Variants in GLRA3 observed in about 807,000 individuals in gnomAD.
The protein encoded by GLRA3 is glycine receptor subunit alpha-3.
In GLRA3, 44 loss-of-function variants were observed where a neutral mutation model predicts 60.4. The observed-to-expected ratio is 0.73, with a 90% confidence interval of 0.57 to 0.94. GLRA3 has a LOEUF of 0.94. GLRA3 is among the 40% of genes least tolerant of loss of function. The pLI, the probability that GLRA3 is intolerant of heterozygous loss-of-function variation, is 0.00. For synonymous variants in GLRA3, 223 were observed against 192.9 expected, an observed-to-expected ratio of 1.16 and a Z score of -1.29; for missense variants, 508 against 564.6, an observed-to-expected ratio of 0.90 and a Z score of 1.02.
intron 2 of GLRA3, among the ~76,000 whole-genome samples, chr4:174,772,141 T>C (rs915221946): frequency 2.6e-5 from 4 of 152,120 alleles, no homozygotes; most frequent in Non-Finnish European, 5.9e-5. Flanking sequence ...ATGGATGAAA[T>C]ACAGAAAATA....
intron 5 of GLRA3, among the ~76,000 whole-genome samples, chr4:174,707,813 C>T (rs550248075): frequency 1.3e-5 from 2 of 152,174 alleles, no homozygotes; most frequent in South Asian, 4.1e-4. Context: ...GTTGTGTGAC[C>T]TTGGGAAAGT....
chr4:174,825,960 T>A (rs1312767264), intron 1 of GLRA3, among the ~76,000 whole-genome samples: 1 of 152,152 alleles, frequency 6.6e-6, no homozygotes, highest in Non-Finnish European at 1.5e-5. Flanking sequence ...GAAACTCTTA[T>A]ACATTACTGA....
At chr4:174,711,458 T>A (rs941502111) in intron 5 of GLRA3, among the ~76,000 whole-genome samples, 5 of 149,812 alleles carry the variant, frequency 3.3e-5, no homozygotes, top group Admixed American at 6.6e-5. Flanking sequence ...TTTTTTTTTT[T>A]TAGAGAGAGT....
intron 3 of GLRA3, among the ~76,000 whole-genome samples, chr4:174,740,281 C>T (rs1416760433): frequency 6.6e-6 from 1 of 152,140 alleles, no homozygotes; most frequent in Non-Finnish European, 1.5e-5. Flanking sequence ...TAAGAATCCT[C>T]AAAGCTTTTA....
intron 5 of GLRA3, 102 bp from the exon 6 acceptor site, chr4:174,683,041 T>C: frequency 1.2e-6 from 1 of 841,774 alleles, no homozygotes; most frequent in Non-Finnish European, 1.9e-6. Context: ...GACCAAACAG[T>C]GTCATCTTAT....
intron 5 of GLRA3, among the ~76,000 whole-genome samples, chr4:174,710,754 T>G (rs1735689466): frequency 6.6e-6 from 1 of 152,148 alleles, no homozygotes; most frequent in Non-Finnish European, 1.5e-5. Flanking sequence ...TTCTATTTCT[T>G]CATTCTGTAT....
At chr4:174,662,704 T>G (rs1733498396) in intron 7 of GLRA3, among the ~76,000 whole-genome samples, 1 of 152,118 alleles carries the variant, frequency 6.6e-6, no homozygotes, top group Non-Finnish European at 1.5e-5. Context: ...TTCCTATCTT[T>G]CCCAGCAGGT....
At chr4:174,727,207 A>T (rs1736362821) in intron 4 of GLRA3, among the ~76,000 whole-genome samples, 1 of 152,246 alleles carries the variant, frequency 6.6e-6, no homozygotes, top group Non-Finnish European at 1.5e-5. Context: ...GACATGGGAT[A>T]AAGCATTATT....
chr4:174,669,235 G>A (rs1330328499), intron 7 of GLRA3, among the ~76,000 whole-genome samples: 1 of 151,952 alleles, frequency 6.6e-6, no homozygotes, highest in East Asian at 1.9e-4. Context: ...AATCTCAAAA[G>A]CATTTCAAAC....
intron 1 of GLRA3, among the ~76,000 whole-genome samples, chr4:174,826,605 C>T (rs1396211573): frequency 3.9e-5 from 6 of 152,140 alleles, no homozygotes; most frequent in Admixed American, 3.9e-4. Context: ...AAAAAATCTT[C>T]AAAGCCTATG....
At chr4:174,785,198 CA>C (rs1465072629) in intron 2 of GLRA3, among the ~76,000 whole-genome samples, 2 of 151,934 alleles carry the variant, frequency 1.3e-5, no homozygotes, top group African/African-American at 4.8e-5. Flanking sequence ...ACAATAAAAA[CA>C]AACACCATAA....
intron 2 of GLRA3, among the ~76,000 whole-genome samples, chr4:174,781,239 A>G (rs1738856891): frequency 6.6e-6 from 1 of 151,646 alleles, no homozygotes; most frequent in Non-Finnish European, 1.5e-5. Flanking sequence ...AAATGAAGGC[A>G]GAAATAAAGA....
At chr4:174,738,970 A>T (rs1736903297) in intron 3 of GLRA3, among the ~76,000 whole-genome samples, 1 of 152,230 alleles carries the variant, frequency 6.6e-6, no homozygotes, top group Admixed American at 6.5e-5. Flanking sequence ...ATACCAGCTG[A>T]ATTCCACTGA....
intron 2 of GLRA3, among the ~76,000 whole-genome samples, chr4:174,776,409 G>T (rs1028529693): frequency 1.4e-4 from 21 of 152,000 alleles, no homozygotes; most frequent in Admixed American, 1.4e-3. Flanking sequence ...TCACACATAA[G>T]AAAACTAGTG....
intron 3 of GLRA3, among the ~76,000 whole-genome samples, chr4:174,743,643 A>G (rs1737113536): frequency 6.6e-6 from 1 of 152,192 alleles, no homozygotes; most frequent in Non-Finnish European, 1.5e-5. Flanking sequence ...TGATTAAAGA[A>G]GTACCTGCCA....
chr4:174,710,035 A>T (rs1315382621), intron 5 of GLRA3, among the ~76,000 whole-genome samples: 1 of 151,646 alleles, frequency 6.6e-6, no homozygotes, highest in Non-Finnish European at 1.5e-5. Context: ...TATTTTCCAA[A>T]TAGCCTCTAG....
In GLRA3 at chr4:174,778,950, C is replaced by G. The variant is rs931604388; in HGVS notation, c.199+9866G>C. On this transcript the variant is annotated intron_variant, in intron 2 of 9. Transcript: ENST00000274093. ...GGTAAACAAAGCAGCCGGGAAGCTC[C>G]AACTGGGTGGAGCCCACCACAGCTC... Among the ~76,000 whole-genome samples, 79 of 151,522 alleles carry G rather than the reference C, an allele frequency of 5.2e-4. 1 individual carries two copies. The highest frequency in any genetic ancestry group is 1.9e-3 in the East Asian group (10 of 5,138).
intron 1 of GLRA3, among the ~76,000 whole-genome samples, chr4:174,793,962 C>T (rs1280570084): frequency 2.6e-5 from 4 of 151,966 alleles, no homozygotes; most frequent in Admixed American, 2.6e-4. Flanking sequence ...CTACCAACAA[C>T]TTTGACAAAA....
Position 174,669,319 on chromosome 4 carries a change from T to C in GLRA3, c.927+7759A>G, listed in dbSNP as rs569485648. Among the ~76,000 whole-genome samples, 5 of 151,720 alleles carry C rather than the reference T, an allele frequency of 3.3e-5. No homozygotes were observed. The South Asian group carries it at 1.0e-3, about 32-fold the overall frequency. On this transcript the variant is annotated intron_variant, in intron 7 of 9. Coordinates refer to ENST00000274093, the MANE Select transcript of GLRA3 (RefSeq NM_006529.4). ...TAATAAATAATGTTTTAAAGACAGG[T>C]GTTGAAGTGGAATGAAGCTGATACT...
Sources: allele counts gnomAD v4.1 joint callset (sites outside exome capture counted in the v4.1 genomes callset), GRCh38; gene constraint gnomAD v4.1.1; transcripts MANE v1.5; gene names NCBI Gene and HGNC (gene_info 2026-07-23, HGNC 2026-07-21).